Variants in DCC observed in about 807,000 individuals in gnomAD.
DCC encodes DCC netrin 1 receptor, also known as netrin receptor DCC.
DCC carries 58 observed loss-of-function variants against 172.5 expected under a neutral mutation model. The observed-to-expected ratio is 0.34, with a 90% CI of 0.27 to 0.42. The LOEUF (loss-of-function observed/expected upper bound fraction) is 0.42, where lower values mean the gene tolerates loss of function less well. DCC is among the 10% of genes least tolerant of loss of function. The pLI is 1.00. For missense variants in DCC, 1,740 were observed against 1,791.0 expected (o/e 0.97, Z 0.51); for synonymous variants, 709 against 644.5 (o/e 1.10, Z -1.52).
At chr18:52,828,119 A>G (rs1276916332) in intron 2 of DCC, among the ~76,000 whole-genome samples, 1 of 152,044 alleles carries the variant, frequency 6.6e-6, no homozygotes, top group East Asian at 1.9e-4. Context: ...CATGGTATAC[A>G]TTATCTGTTT....
At chr18:53,054,480 A>G (rs2042377114) in intron 5 of DCC, among the ~76,000 whole-genome samples, 1 of 152,162 alleles carries the variant, frequency 6.6e-6, no homozygotes, top group Non-Finnish European at 1.5e-5. Flanking sequence ...ACAAAAGCGT[A>G]GCAATAATGT....
At chr18:52,484,925 A>G (rs1360035637) in intron 1 of DCC, among the ~76,000 whole-genome samples, 2 of 151,960 alleles carry the variant, frequency 1.3e-5, no homozygotes, top group East Asian at 3.9e-4. Context: ...TGTCTGATTG[A>G]TATTTTTCTG....
In DCC at chr18:52,704,932, A is replaced by G. The variant is rs547015601; in HGVS notation, c.92-47122A>G. Among the ~76,000 whole-genome samples, 4 of 152,192 alleles carry G rather than the reference A, an allele frequency of 2.6e-5. No homozygotes were observed. The East Asian group carries it at 7.7e-4, about 29-fold the overall frequency. On this transcript the variant is annotated intron_variant, in intron 1 of 28. Transcript: ENST00000442544. ...GCCTGGCCATTTACGTTCTGGCCCT[A>G]AGGTATGGCTAATCATGCCTCTGGT...
intron 5 of DCC, among the ~76,000 whole-genome samples, chr18:52,970,434 A>G (rs1457759681): frequency 6.6e-6 from 1 of 152,116 alleles, no homozygotes; most frequent in Admixed American, 6.6e-5. Context: ...CCAAAACTCA[A>G]AATTATCACA....
intron 1 of DCC, among the ~76,000 whole-genome samples, chr18:52,521,472 G>A (rs2031813224): frequency 6.6e-6 from 1 of 152,126 alleles, no homozygotes; most frequent in East Asian, 1.9e-4. Flanking sequence ...TTCAGTGAGG[G>A]CTTTGTTTCT....
Position 52,401,118 on chromosome 18 carries a change from A to T in DCC, c.91+60240A>T, listed in dbSNP as rs190635143. On this transcript the variant is annotated intron_variant, in intron 1 of 28. Transcript: ENST00000442544. ...TAAAGAATAATAATGATAAATAATA[A>T]TAATAATAATGCATGTAACTCAATA... is the stretch of plus-strand genomic sequence containing the variant. 1.1e-3 allele frequency among the ~76,000 whole-genome samples: 170 copies of T among 152,042 alleles called. 1 individual carries two copies. In the South Asian group the frequency reaches 0.018, roughly 16 times the overall value.
chr18:52,632,983 A>AT (rs1336016741), intron 1 of DCC, among the ~76,000 whole-genome samples: 6 of 152,122 alleles, frequency 3.9e-5, no homozygotes, highest in Non-Finnish European at 8.8e-5. Flanking sequence ...GATAATTTTA[A>AT]TTTTTCAAAT....
chr18:52,915,284 C>T (rs2040024859), intron 3 of DCC, among the ~76,000 whole-genome samples: 2 of 152,080 alleles, frequency 1.3e-5, no homozygotes, highest in East Asian at 1.9e-4. Context: ...TACATTTGAT[C>T]ACATCCAGTG....
At chr18:53,015,569 CTACCA>C (rs2041796241) in intron 5 of DCC, among the ~76,000 whole-genome samples, 1 of 152,048 alleles carries the variant, frequency 6.6e-6, no homozygotes, top group East Asian at 1.9e-4. Context: ...TATTTATGTT[CTACCA>C]TAAGGAAATC....
intron 2 of DCC, among the ~76,000 whole-genome samples, chr18:52,887,480 T>C (rs2039586925): frequency 6.6e-6 from 1 of 152,338 alleles, no homozygotes; most frequent in African/African-American, 2.4e-5. Flanking sequence ...ATTGATACTA[T>C]GCAATTAAGA....
chr18:52,974,665 G>A (rs1400449949), intron 5 of DCC, among the ~76,000 whole-genome samples: 1 of 152,172 alleles, frequency 6.6e-6, no homozygotes, highest in Non-Finnish European at 1.5e-5. Flanking sequence ...GAATCTAAAT[G>A]ATCCAGTATG....
At chr18:53,022,330 T>C (rs2041892182) in intron 5 of DCC, among the ~76,000 whole-genome samples, 1 of 152,072 alleles carries the variant, frequency 6.6e-6, no homozygotes, top group African/African-American at 2.4e-5. Context: ...TCTGTGGAGT[T>C]GGGCCGGTTG....
At chr18:52,526,049 C>G (rs968134867) in intron 1 of DCC, among the ~76,000 whole-genome samples, 2 of 152,146 alleles carry the variant, frequency 1.3e-5, no homozygotes, top group Admixed American at 1.3e-4. Flanking sequence ...ATTTAGAATT[C>G]AAGATGCATT....
At chr18:52,549,677 A>G (rs1481147533) in intron 1 of DCC, among the ~76,000 whole-genome samples, 1 of 152,050 alleles carries the variant, frequency 6.6e-6, no homozygotes, top group Non-Finnish European at 1.5e-5. Flanking sequence ...TTGTAGTAGC[A>G]TCTCCTATTT....
At chr18:52,660,827 A>C (rs964235099) in intron 1 of DCC, among the ~76,000 whole-genome samples, 2 of 152,148 alleles carry the variant, frequency 1.3e-5, no homozygotes, top group African/African-American at 2.4e-5. Flanking sequence ...CTGAAAGCTG[A>C]GGTCCTTCTT....
chr18:52,501,725 A>G (rs1400228538), intron 1 of DCC, among the ~76,000 whole-genome samples: 1 of 152,122 alleles, frequency 6.6e-6, no homozygotes, highest in Non-Finnish European at 1.5e-5. Flanking sequence ...TCTGTATAAT[A>G]TATTGCTGTC....
chr18:52,925,275 T>C lies in DCC; in HGVS notation c.890T>C (p.Ile297Thr). The C allele has an allele frequency of 6.2e-7, 1 of 1,612,650 alleles. No homozygotes were observed. Among genetic ancestry groups the C allele is most frequent in the Non-Finnish European group, 8.5e-7 (1 of 1,178,890 alleles). The change falls in exon 5 of 29, where the codon ATC (isoleucine) becomes ACC (threonine). Residue 297 changes from isoleucine (I) to threonine (T), a missense_variant. Transcript: ENST00000442544. ...YSLLGGSNLL[I>T]SNVTDDDSGM... ...TTATTGGGTGGAAGCAACTTGCTTA[T>C]CTCCAATGTGACAGATGATGACAGT...
Position 53,414,787 on chromosome 18 carries a change from G to A in DCC, c.3131-1337G>A, listed in dbSNP as rs570115815. On this transcript the variant is annotated intron_variant, in intron 20 of 28. Transcript: ENST00000442544. ...TGCTTGAACCCAGGAGGCAGAGGTT[G>A]CAGTGAGCTGAGATTGCACCACTGC... Among the ~76,000 whole-genome samples, 8 of 152,284 alleles carry A rather than the reference G, an allele frequency of 5.3e-5. No individual in the cohort carries two copies. The South Asian group carries it at 1.7e-3, about 32-fold the overall frequency.
intron 5 of DCC, among the ~76,000 whole-genome samples, chr18:53,048,424 A>C (rs1382860334): frequency 7.0e-6 from 1 of 143,196 alleles, no homozygotes; most frequent in African/African-American, 2.6e-5. Flanking sequence ...ATGGCCTTCG[A>C]CTCCATCCAC....
Sources: allele counts gnomAD v4.1 joint callset (sites outside exome capture counted in the v4.1 genomes callset), GRCh38; gene constraint gnomAD v4.1.1; transcripts MANE v1.5; gene names NCBI Gene and HGNC (gene_info 2026-07-23, HGNC 2026-07-21).